Variants in RNLS observed in about 807,000 individuals in gnomAD.
RNLS encodes the protein renalase, FAD dependent amine oxidase, also known as renalase.
In RNLS, 39 loss-of-function variants were observed where a neutral mutation model predicts 39.8. The ratio of observed to expected loss-of-function variants is 0.98; its 90% CI spans 0.76 to 1.28. The LOEUF (loss-of-function observed/expected upper bound fraction) is 1.28, where lower values mean the gene tolerates loss of function less well. Among genes scored for constraint, RNLS ranks in the 50% most tolerant of loss-of-function variants. RNLS has a pLI of 0.00. For synonymous variants in RNLS, 147 were observed against 150.7 expected, an observed-to-expected ratio of 0.98 and a Z score of 0.18; for missense variants, 410 against 413.3, an observed-to-expected ratio of 0.99 and a Z score of 0.07.
intron 4 of RNLS, among the ~76,000 whole-genome samples, chr10:88,444,198 C>T (rs971519089): frequency 6.6e-6 from 1 of 152,176 alleles, no homozygotes; most frequent in Non-Finnish European, 1.5e-5. Context: ...GCTGCTGATA[C>T]CTAGGCAAAC....
At chr10:88,487,036 A>G (rs1010683425) in intron 4 of RNLS, among the ~76,000 whole-genome samples, 6 of 152,220 alleles carry the variant, frequency 3.9e-5, no homozygotes, top group African/African-American at 1.4e-4. Flanking sequence ...ATAAAAAAGA[A>G]GGAGATCATG....
At chr10:88,433,487 C>T (rs1041934543) in intron 4 of RNLS, among the ~76,000 whole-genome samples, 1 of 151,994 alleles carries the variant, frequency 6.6e-6, no homozygotes, top group African/African-American at 2.4e-5. Flanking sequence ...ATTTAGATAT[C>T]ATCTAAATAC....
the RNLS span, among the ~76,000 whole-genome samples, chr10:88,243,057 T>C: frequency 6.6e-6 from 1 of 152,234 alleles, no homozygotes; most frequent in Non-Finnish European, 1.5e-5. Context: ...TCAGTTTAAG[T>C]CTCATCAGTA....
chr10:88,281,197 G>A (rs554599049), downstream of RNLS, among the ~76,000 whole-genome samples: 2 of 152,238 alleles, frequency 1.3e-5, no homozygotes, highest in African/African-American at 4.8e-5. Context: ...TCTCTGTTCT[G>A]CTGAGCTTTC....
chr10:88,439,902 C>T (rs1317395326), intron 4 of RNLS, among the ~76,000 whole-genome samples: 2 of 152,192 alleles, frequency 1.3e-5, no homozygotes, highest in Non-Finnish European at 2.9e-5. Flanking sequence ...ATGTCATTTC[C>T]TGTCTGAAAT....
intron 4 of RNLS, among the ~76,000 whole-genome samples, chr10:88,448,953 A>G (rs1042373340): frequency 6.6e-6 from 1 of 152,192 alleles, no homozygotes; most frequent in Non-Finnish European, 1.5e-5. Flanking sequence ...GAACAATGAG[A>G]ACACTTGGAC....
intron 4 of RNLS, among the ~76,000 whole-genome samples, chr10:88,559,662 C>CATTCATTCAT (rs1849062669): frequency 2.6e-5 from 4 of 151,070 alleles, no homozygotes; most frequent in African/African-American, 7.3e-5. Flanking sequence ...GATTGTTTCA[C>CATTCATTCAT]TCATTCATTC....
the RNLS span, among the ~76,000 whole-genome samples, chr10:88,238,526 G>T: frequency 0.32 from 49,405 of 152,072 alleles, 8,448 homozygotes; most frequent in East Asian, 0.59. Flanking sequence ...AAGCAAGCAC[G>T]GTTCCTTTTA....
At chr10:88,175,287 A>G in the RNLS span, among the ~76,000 whole-genome samples, 2 of 151,516 alleles carry the variant, frequency 1.3e-5, no homozygotes, top group Non-Finnish European at 2.9e-5. Flanking sequence ...CTTTTTCCCA[A>G]TTTGGGGTTT....
At chr10:88,406,961 C>G (rs758928241) in intron 4 of RNLS, among the ~76,000 whole-genome samples, 5 of 152,088 alleles carry the variant, frequency 3.3e-5, no homozygotes, top group African/African-American at 7.2e-5. Context: ...TAAAACCAAA[C>G]ATCGCGTGTT....
chr10:88,560,306 T>C (rs539513264), intron 4 of RNLS, among the ~76,000 whole-genome samples: 11 of 152,222 alleles, frequency 7.2e-5, no homozygotes, highest in African/African-American at 2.6e-4. Context: ...TACTCTTGCT[T>C]TCTGTAAAGC....
chr10:88,575,208 G>A (rs10887833), intron 3 of RNLS, among the ~76,000 whole-genome samples: 4 of 28,830 alleles, frequency 1.4e-4, no homozygotes, highest in East Asian at 2.6e-3. Flanking sequence ...ATATATATAT[G>A]TGTGTGTATA....
intron 4 of RNLS, among the ~76,000 whole-genome samples, chr10:88,377,961 T>A (rs1851153015): frequency 6.6e-6 from 1 of 152,036 alleles, no homozygotes; most frequent in South Asian, 2.1e-4. Flanking sequence ...ATTTTATAAA[T>A]TTGTATTTTT....
At chr10:88,244,936 C>T in the RNLS span, among the ~76,000 whole-genome samples, 10 of 152,166 alleles carry the variant, frequency 6.6e-5, no homozygotes, top group East Asian at 3.9e-4. Flanking sequence ...GTACAGGAAC[C>T]GAGCCTAAAA....
intron 5 of RNLS, among the ~76,000 whole-genome samples, chr10:88,334,609 C>T (rs981904044): frequency 6.6e-6 from 1 of 152,200 alleles, no homozygotes; most frequent in Non-Finnish European, 1.5e-5. Flanking sequence ...AAGTGCTCTC[C>T]ACACTTACAG....
intron 4 of RNLS, among the ~76,000 whole-genome samples, chr10:88,514,290 G>A (rs902802723): frequency 2.0e-5 from 3 of 151,922 alleles, no homozygotes; most frequent in Non-Finnish European, 2.9e-5. Context: ...GATCCCATGA[G>A]AACTCACTCA....
chr10:88,479,715 G>A (rs977811385), intron 4 of RNLS, among the ~76,000 whole-genome samples: 4 of 150,994 alleles, frequency 2.6e-5, no homozygotes, highest in African/African-American at 9.7e-5. Context: ...CCTTTTATTT[G>A]CCCTTTTGAA....
intron 4 of RNLS, among the ~76,000 whole-genome samples, chr10:88,421,145 C>A (rs1431432467): frequency 1.3e-5 from 2 of 152,166 alleles, no homozygotes; most frequent in African/African-American, 4.8e-5. Flanking sequence ...GGAGAGGTAA[C>A]CAAACCCTTA....
At chr10:88,409,486 T>G (rs1853521043) in intron 4 of RNLS, among the ~76,000 whole-genome samples, 1 of 152,166 alleles carries the variant, frequency 6.6e-6, no homozygotes, top group Non-Finnish European at 1.5e-5. Context: ...CTGTGAGTCA[T>G]GAGAGTCTCT....
Sources: gnomAD v4.1 joint callset for allele counts (sites outside exome capture counted in the v4.1 genomes callset) on GRCh38, gnomAD v4.1.1 for gene constraint, MANE v1.5 for transcripts, NCBI Gene and HGNC (gene_info 2026-07-23, HGNC 2026-07-21) for gene names.